The following VBP1 variants were observed in gnomAD, a reference collection of about 807,000 sequenced individuals.
The protein encoded by VBP1 is VHL binding protein 1, also known as prefoldin subunit 3.
A neutral mutation model predicts 15.5 loss-of-function variants in VBP1; 4 were observed. The observed-to-expected ratio is 0.26, with a 90% confidence interval of 0.13 to 0.59. VBP1 has a LOEUF of 0.59. VBP1 is among the 20% of genes least tolerant of loss of function. The pLI, the probability that VBP1 is intolerant of heterozygous loss-of-function variation, is 0.90. For missense variants in VBP1, 108 were observed against 139.6 expected (o/e 0.77, Z 1.14); for synonymous variants, 61 against 52.1 (o/e 1.17, Z -0.74).
chrX:155,217,466 C>T (rs1041066330), intron 1 of VBP1, among the ~76,000 whole-genome samples: 1 of 112,907 alleles, frequency 8.9e-6, no homozygotes, highest in Non-Finnish European at 1.9e-5. Flanking sequence ...ACTATAAAAT[C>T]TTCATGGAAG....
intron 2 of VBP1, among the ~76,000 whole-genome samples, chrX:155,220,833 T>G (rs1212808326): frequency 8.9e-6 from 1 of 112,281 alleles, no homozygotes; most frequent in Non-Finnish European, 1.9e-5. Flanking sequence ...GATAAATATT[T>G]ATGGAATGCC....
At chrX:155,235,055 G>C (rs1210061388) in intron 4 of VBP1, among the ~76,000 whole-genome samples, 1 of 110,486 alleles carries the variant, frequency 9.1e-6, no homozygotes, top group African/African-American at 3.3e-5. Flanking sequence ...GTTTCCCCCA[G>C]GTATACAAAG....
chrX:155,224,024 T>G (rs1352417266), intron 2 of VBP1, among the ~76,000 whole-genome samples: 2 of 101,729 alleles, frequency 2.0e-5, no homozygotes, highest in African/African-American at 3.7e-5. Flanking sequence ...GCAGAGGCGC[T>G]CCCCACATCT....
intron 5 of VBP1, among the ~76,000 whole-genome samples, chrX:155,237,881 T>C (rs782709428): frequency 1.8e-5 from 2 of 111,784 alleles, no homozygotes; most frequent in South Asian, 3.7e-4. Context: ...TTCTCTTCTT[T>C]TCCAGTGTGC....
At chrX:155,225,209 G>A (rs782160609) in intron 2 of VBP1, among the ~76,000 whole-genome samples, 71 of 111,312 alleles carry the variant, frequency 6.4e-4, no homozygotes, top group African/African-American at 2.1e-3. Flanking sequence ...AGTAATGTAC[G>A]TGGAGGTGGG....
chrX:155,198,194 C>T (rs886344824), intron 1 of VBP1, among the ~76,000 whole-genome samples: 2 of 112,678 alleles, frequency 1.8e-5, no homozygotes, highest in Non-Finnish European at 3.8e-5. Flanking sequence ...CACAGACACA[C>T]AAAAAGACAG....
At chrX:155,216,124 C>G (rs2074661558), upstream of VBP1, among the ~76,000 whole-genome samples, 1 of 110,308 alleles carries the variant, frequency 9.1e-6, no homozygotes, top group South Asian at 3.9e-4. Context: ...GAGGCCATTG[C>G]GAAGGCTGCT....
chrX:155,216,240 C>T, upstream of VBP1: 3 of 573,760 alleles, frequency 5.2e-6, no homozygotes, highest in Admixed American at 4.2e-5. Context: ...TGGGTTTTTC[C>T]TGTCGCTCCA....
chrX:155,237,897 G>A (rs1265465368), intron 5 of VBP1, among the ~76,000 whole-genome samples: 1 of 111,759 alleles, frequency 8.9e-6, no homozygotes, highest in Non-Finnish European at 1.9e-5. Flanking sequence ...TGTGCAGCAT[G>A]TGGCAGTTGT....
chrX:155,207,941 A>G (rs1378710059), intron 1 of VBP1, among the ~76,000 whole-genome samples: 2 of 112,538 alleles, frequency 1.8e-5, no homozygotes, highest in African/African-American at 6.5e-5. Flanking sequence ...GTGTATCACC[A>G]GAAACCTCTC....
chrX:155,213,315 G>A (rs1557308675), upstream of VBP1: 1 of 111,917 alleles, frequency 8.9e-6, no homozygotes, highest in Admixed American at 9.5e-5. Flanking sequence ...TGACCCCAGT[G>A]ACCAGGCTCA....
At chrX:155,233,151 C>T (rs1557311101) in intron 4 of VBP1, among the ~76,000 whole-genome samples, 1 of 112,341 alleles carries the variant, frequency 8.9e-6, no homozygotes, top group African/African-American at 3.2e-5. Flanking sequence ...TCCAGATGGG[C>T]TTGGCTGGGT....
intron 3 of VBP1, among the ~76,000 whole-genome samples, chrX:155,227,690 C>T (rs2074725652): frequency 8.9e-6 from 1 of 112,229 alleles, no homozygotes; most frequent in African/African-American, 3.2e-5. Flanking sequence ...TGGAACGAAT[C>T]TTAGAGATCA....
intron 1 of VBP1, among the ~76,000 whole-genome samples, chrX:155,219,954 TATA>T (rs1166894219): frequency 9.2e-6 from 1 of 108,816 alleles, no homozygotes; most frequent in Non-Finnish European, 1.9e-5. Context: ...GCTCAACTGG[TATA>T]ATGTAAATAT....
At chrX:155,197,519 G>A (rs1337516049) in intron 1 of VBP1, among the ~76,000 whole-genome samples, 3 of 111,773 alleles carry the variant, frequency 2.7e-5, no homozygotes, top group Admixed American at 9.5e-5. Flanking sequence ...TTTTGTCAAG[G>A]TTCTACCTCC....
upstream of VBP1, chrX:155,216,264 G>T: frequency 1.4e-6 from 1 of 715,233 alleles, no homozygotes; most frequent in Non-Finnish European, 1.9e-6. Flanking sequence ...TCTCTTTCGC[G>T]GCCCTTCCAC....
chrX:155,226,303 T>C (rs1449762797), intron 2 of VBP1, among the ~76,000 whole-genome samples: 1 of 111,978 alleles, frequency 8.9e-6, no homozygotes, highest in Non-Finnish European at 1.9e-5. Flanking sequence ...TTTTCTCTTA[T>C]GTTCTTGTCA....
At chrX:155,203,252 A>T in intron 1 of VBP1, among the ~76,000 whole-genome samples, 1 of 111,232 alleles carries the variant, frequency 9.0e-6, no homozygotes, top group Non-Finnish European at 1.9e-5. Context: ...CAGCCATCCC[A>T]TTACTGGGTA....
intron 1 of VBP1, among the ~76,000 whole-genome samples, chrX:155,199,677 A>G (rs1557307135): frequency 8.9e-6 from 1 of 112,183 alleles, no homozygotes; most frequent in Non-Finnish European, 1.9e-5. Context: ...AAGACCATTG[A>G]GGCTAGGAAG....
Sources: allele counts gnomAD v4.1 joint callset (sites outside exome capture counted in the v4.1 genomes callset), GRCh38; gene constraint gnomAD v4.1.1; transcripts MANE v1.5; gene names NCBI Gene and HGNC (gene_info 2026-07-23, HGNC 2026-07-21).